The following DHX35 variants were observed in gnomAD, a reference collection of about 807,000 sequenced individuals.
DHX35 encodes DEAH-box helicase 35.
DHX35 carries 84 observed loss-of-function variants against 99.6 expected under a neutral mutation model. That is an observed-to-expected ratio of 0.84 (90% CI 0.71 to 1.01). The LOEUF is 1.01. DHX35 is among the 50% of genes least tolerant of loss of function. The pLI is 0.00. For synonymous variants in DHX35, 331 were observed against 316.2 expected (o/e 1.05, Z -0.50); for missense variants, 852 against 888.5 (o/e 0.96, Z 0.52).
chr20:38,980,729 A>G (rs185871658), intron 3 of DHX35, among the ~76,000 whole-genome samples: 1 of 152,142 alleles, frequency 6.6e-6, no homozygotes, highest in Non-Finnish European at 1.5e-5. Flanking sequence ...ACTCTTCACT[A>G]CTAGTGCAGA....
intron 15 of DHX35, 108 bp from the exon 16 acceptor site, chr20:39,021,733 A>T: frequency 9.0e-7 from 1 of 1,111,000 alleles, no homozygotes; most frequent in Admixed American, 1.8e-5. Context: ...CTCTAGAAAA[A>T]ATATGATCTT....
chr20:39,030,336 T>TA (rs367719698), intron 19 of DHX35: 9 of 227,012 alleles, frequency 4.0e-5, no homozygotes, highest in African/African-American at 9.2e-5. Context: ...CTTTAGTATT[T>TA]AACTTTGCTT....
At chr20:39,013,892 C>T (rs1375935669) in intron 13 of DHX35, among the ~76,000 whole-genome samples, 3 of 152,156 alleles carry the variant, frequency 2.0e-5, no homozygotes, top group Admixed American at 6.6e-5. Flanking sequence ...CCTGTGTGTA[C>T]GGTCACTACA....
chr20:38,966,357 A>G (rs942327202), intron 1 of DHX35, among the ~76,000 whole-genome samples: 1 of 152,240 alleles, frequency 6.6e-6, no homozygotes, highest in Non-Finnish European at 1.5e-5. Flanking sequence ...ACTGTTTATC[A>G]ACTGACATAG....
At chr20:38,968,708 C>T (rs374489650) in intron 1 of DHX35, among the ~76,000 whole-genome samples, 8 of 152,104 alleles carry the variant, frequency 5.3e-5, no homozygotes, top group Admixed American at 2.0e-4. Flanking sequence ...CCGCCATGCA[C>T]GCCTGGCTAA....
intron 9 of DHX35, 114 bp downstream of exon 9, chr20:39,001,956 T>C (rs150651904): frequency 8.1e-6 from 7 of 863,556 alleles, no homozygotes; most frequent in African/African-American, 1.7e-5. Flanking sequence ...GCATGTTTTG[T>C]GTCCCTAGTC....
intron 20 of DHX35, among the ~76,000 whole-genome samples, chr20:39,031,626 T>A (rs1568763397): frequency 6.6e-6 from 1 of 152,274 alleles, no homozygotes; most frequent in East Asian, 1.9e-4. Flanking sequence ...CATGAGCCAC[T>A]GTACCCGGCC....
At chr20:39,038,368 C>T in intron 21 of DHX35, 131 bp from the exon 22 acceptor site, 2 of 1,032,354 alleles carry the variant, frequency 1.9e-6, no homozygotes, top group Non-Finnish European at 2.8e-6. Flanking sequence ...GTTTCATGAA[C>T]AGCTCAGCAT....
At chr20:39,005,857 TTAATTG>T (rs1345618009) in intron 11 of DHX35, among the ~76,000 whole-genome samples, 1 of 152,120 alleles carries the variant, frequency 6.6e-6, no homozygotes, top group Non-Finnish European at 1.5e-5. Flanking sequence ...ACTTTATATA[TTAATTG>T]TATATAGTCC....
chr20:38,971,615 G>A (rs1273850087), intron 2 of DHX35, among the ~76,000 whole-genome samples: 1 of 152,156 alleles, frequency 6.6e-6, no homozygotes, highest in African/African-American at 2.4e-5. Flanking sequence ...TCTGGGGGCA[G>A]CACTATTGAC....
Position 39,018,839 on chromosome 20 carries a change from G to A in DHX35, c.1438G>A (p.Gly480Ser), listed in dbSNP as rs1402069599. 5.6e-6 allele frequency: 9 copies of A among 1,613,952 alleles called. 1 individual carries two copies. In the East Asian group the frequency reaches 2.0e-4, roughly 36 times the overall value. Residue 480 changes from glycine (G) to serine (S), a missense_variant, in exon 15 of 22, where the codon GGC (glycine) becomes AGC (serine). Gly to Ser is a moderately conservative substitution (Grantham distance 56). Transcript: ENST00000252011. Reference protein sequence around the residue: ...DKDCRLTEPLGMRIAEFPLNP... With the variant: ...DKDCRLTEPLSMRIAEFPLNP... ...AGACTGTCGCCTAACTGAACCGCTT[G>A]GCATGAGAATTGCAGAGTTTCCTTT...
At chr20:38,983,995 C>T (rs1324133116) in intron 4 of DHX35, among the ~76,000 whole-genome samples, 3 of 152,100 alleles carry the variant, frequency 2.0e-5, no homozygotes, top group East Asian at 1.9e-4. Context: ...CTGCAACCTC[C>T]GCCTCCTGGG....
chr20:38,962,429 T>G, intron 1 of DHX35, 22 bp downstream of exon 1: 1 of 1,610,816 alleles, frequency 6.2e-7, no homozygotes, highest in Non-Finnish European at 8.5e-7. Context: ...GGTGGAACGC[T>G]GGGCAGATGC....
intron 8 of DHX35, among the ~76,000 whole-genome samples, chr20:38,999,089 G>T (rs1471751447): frequency 6.6e-6 from 1 of 152,118 alleles, no homozygotes; most frequent in African/African-American, 2.4e-5. Context: ...ACCGCATCCG[G>T]CCGAGTCTTA....
At position 39,038,876 on chromosome 20, in the gene DHX35, A is replaced by G; in HGVS notation, c.*333A>G. The G allele has an allele frequency of 2.7e-6, 1 of 371,258 alleles. No individual in the cohort carries two copies. Among genetic ancestry groups the G allele is most frequent in the South Asian group, 3.6e-5 (1 of 28,166 alleles). The allele number at this position is 371,258 out of a possible 1,614,324, so 23.0% of individuals were successfully genotyped here. On this transcript the variant is annotated 3_prime_UTR_variant, in exon 22 of 22. Coordinates refer to ENST00000252011, the MANE Select transcript of DHX35 (RefSeq NM_021931.4). ...CAGCTCTATGGGAAACAAGGAGGAA[A>G]GTTAGCCACTGAAGGCCAAAACACC...
intron 1 of DHX35, among the ~76,000 whole-genome samples, chr20:38,963,663 T>C (rs902862643): frequency 1.3e-5 from 2 of 152,254 alleles, no homozygotes; most frequent in African/African-American, 2.4e-5. Context: ...ACCAGGGTAC[T>C]ATTTTGGTTA....
chr20:39,032,213 T>C lies in DHX35; in HGVS notation c.1955+1438T>C, dbSNP rs2087065929. 2.6e-5 allele frequency among the ~76,000 whole-genome samples: 4 copies of C among 152,366 alleles called. No individual in the cohort carries two copies. The South Asian group carries it at 8.3e-4, about 32-fold the overall frequency. ...CACTCTGTGTTTTTGAGACAGTGTC[T>C]CAATCTGTTGCCCAGTGGTGTGATC... On this transcript the variant is annotated intron_variant, in intron 20 of 21. Coordinates refer to ENST00000252011, the MANE Select transcript of DHX35 (RefSeq NM_021931.4).
intron 1 of DHX35, chr20:38,962,661 C>G: frequency 7.7e-6 from 4 of 521,748 alleles, no homozygotes; most frequent in Admixed American, 6.9e-5. Flanking sequence ...GCCTCGTCTT[C>G]CTCGTTACTG....
At chr20:38,980,823 A>G (rs1246064133) in intron 3 of DHX35, among the ~76,000 whole-genome samples, 1 of 152,124 alleles carries the variant, frequency 6.6e-6, no homozygotes, top group African/African-American at 2.4e-5. Context: ...TTTCTTACTA[A>G]GGTTCTTTTT....
Sources: gnomAD v4.1 joint callset for allele counts (sites outside exome capture counted in the v4.1 genomes callset) on GRCh38, gnomAD v4.1.1 for gene constraint, MANE v1.5 for transcripts, NCBI Gene and HGNC (gene_info 2026-07-23, HGNC 2026-07-21) for gene names.